KLHL29: variants seen among roughly 807,000 people sequenced by gnomAD.
The protein encoded by KLHL29 is kelch-like protein 29.
Under a neutral mutation model 80.4 loss-of-function variants are expected in KLHL29, and 21 were observed. The observed-to-expected ratio is 0.26, with a 90% CI of 0.19 to 0.38. The LOEUF (loss-of-function observed/expected upper bound fraction) is 0.38. Among genes scored for constraint, KLHL29 ranks in the 10% least tolerant of loss-of-function variants. The pLI is 1.00. For synonymous variants in KLHL29, 511 were observed against 526.8 expected, an observed-to-expected ratio of 0.97 and a Z score of 0.41; for missense variants, 867 against 1,223.9, an observed-to-expected ratio of 0.71 and a Z score of 4.35.
rs543358257 is a variant in KLHL29, at chr2:23,671,652, C to T, written c.941-12747C>T. On this transcript the variant is annotated intron_variant, in intron 5 of 13. Coordinates refer to ENST00000486442, the MANE Select transcript of KLHL29 (RefSeq NM_052920.2). ...GCTGCTCACTCGGCCTTTTCCCAGC[C>T]AGCCCCTCCCTACACCCCACAACAG... Among the ~76,000 whole-genome samples, 12 of 152,302 alleles carry T rather than the reference C, an allele frequency of 7.9e-5. No homozygotes were observed. In the East Asian group the frequency reaches 2.3e-3, roughly 29 times the overall value.
At chr2:23,455,006 G>GC (rs1006561476) in intron 1 of KLHL29, among the ~76,000 whole-genome samples, 4 of 138,062 alleles carry the variant, frequency 2.9e-5, no homozygotes, top group Middle Eastern at 3.5e-3. Flanking sequence ...TGGGTTGGGG[G>GC]GGGGGCATTT....
chr2:23,670,910 T>TTCTCTCTC (rs1670702653), intron 5 of KLHL29, among the ~76,000 whole-genome samples: 1 of 17,436 alleles, frequency 5.7e-5, no homozygotes, highest in East Asian at 2.8e-3. Flanking sequence ...TCTACACACA[T>TTCTCTCTC]GCACGCGCTC....
intron 5 of KLHL29, among the ~76,000 whole-genome samples, chr2:23,683,235 A>G (rs1006990656): frequency 6.6e-6 from 1 of 152,184 alleles, no homozygotes; most frequent in African/African-American, 2.4e-5. Flanking sequence ...GGGGCTGGAG[A>G]GCAGGGCTCA....
Position 23,562,303 on chromosome 2 carries a change from C to T in KLHL29, c.107C>T (p.Thr36Ile). 3.2e-6 allele frequency: 5 copies of T among 1,545,868 alleles called. No homozygotes were observed. The highest frequency in any genetic ancestry group is 4.4e-6 in the Non-Finnish European group (5 of 1,143,994). The change falls in exon 3 of 14, where the codon ACC (threonine) becomes ATC (isoleucine). Residue 36 changes from threonine to isoleucine, a missense_variant. By Grantham distance (89) the Thr-to-Ile change is moderately conservative. Transcript: ENST00000486442. This position sits in a 1 kb window ranked among gnomAD's most constrained non-coding sequence, Gnocchi z 4.5. ...THGTTSICSVTSGAGGGTASS... is the reference protein window; with the variant it reads ...THGTTSICSVISGAGGGTASS... ...GGGACCACCAGCATCTGCAGTGTCACCTCGGGGGCCGGTGGCGGCACAGCC... is the reference window on the plus strand; with the variant it reads ...GGGACCACCAGCATCTGCAGTGTCATCTCGGGGGCCGGTGGCGGCACAGCC...
chr2:23,488,675 T>C (rs1207893059), intron 2 of KLHL29, among the ~76,000 whole-genome samples: 1 of 152,128 alleles, frequency 6.6e-6, no homozygotes, highest in Non-Finnish European at 1.5e-5. Flanking sequence ...ACATCATGAA[T>C]CAAAAGGAGG....
intron 5 of KLHL29, among the ~76,000 whole-genome samples, chr2:23,662,538 C>T (rs1572476029): frequency 6.6e-6 from 1 of 152,108 alleles, no homozygotes; most frequent in African/African-American, 2.4e-5. Flanking sequence ...ACCAGCCCCT[C>T]CTGGGGTTCC....
At chr2:23,627,514 C>T (rs1572449137) in intron 3 of KLHL29, among the ~76,000 whole-genome samples, 1 of 152,256 alleles carries the variant, frequency 6.6e-6, no homozygotes, top group Non-Finnish European at 1.5e-5. Context: ...CTGAGACCCA[C>T]ACTCAGGCGC....
intron 1 of KLHL29, among the ~76,000 whole-genome samples, chr2:23,434,419 T>TC (rs5829897): frequency 1 from 151,836 of 151,842 alleles, 75,915 homozygotes; most frequent in East Asian, 1. Context: ...TGGTTCCCAT[T>TC]CCCTGGTGGG....
intron 5 of KLHL29, among the ~76,000 whole-genome samples, chr2:23,670,912 C>G (rs527542995): frequency 6.2e-5 from 2 of 32,108 alleles, no homozygotes; most frequent in South Asian, 6.4e-3. Flanking sequence ...TACACACATG[C>G]ACGCGCTCTC....
intron 1 of KLHL29, among the ~76,000 whole-genome samples, chr2:23,410,004 A>G (rs1329705799): frequency 5.9e-5 from 9 of 152,192 alleles, no homozygotes; most frequent in Non-Finnish European, 1.3e-4. Flanking sequence ...GGTGCCTTCA[A>G]GGAGATGCGA....
At chr2:23,481,171 T>G (rs1178608839) in intron 2 of KLHL29, among the ~76,000 whole-genome samples, 1 of 152,202 alleles carries the variant, frequency 6.6e-6, no homozygotes, top group Non-Finnish European at 1.5e-5. Flanking sequence ...GGCATCTGGA[T>G]TTTTGTAAAG....
chr2:23,474,615 G>T (rs903227859), intron 1 of KLHL29, among the ~76,000 whole-genome samples: 1 of 152,082 alleles, frequency 6.6e-6, no homozygotes, highest in African/African-American at 2.4e-5. Context: ...TGGATCACGT[G>T]CATCTCTATC....
intron 1 of KLHL29, among the ~76,000 whole-genome samples, chr2:23,407,878 T>C (rs1666770006): frequency 6.6e-6 from 1 of 152,162 alleles, no homozygotes; most frequent in Admixed American, 6.5e-5. Flanking sequence ...AAATGCTACC[T>C]CTCATACATT....
chr2:23,426,065 AG>A (rs1460615337), intron 1 of KLHL29, among the ~76,000 whole-genome samples: 1 of 152,016 alleles, frequency 6.6e-6, no homozygotes, highest in African/African-American at 2.4e-5. Context: ...ATGCCTGGGG[AG>A]TGCCTTTGAG....
intron 2 of KLHL29, among the ~76,000 whole-genome samples, chr2:23,533,261 T>C (rs926372853): frequency 2.6e-5 from 4 of 152,210 alleles, no homozygotes; most frequent in Admixed American, 2.6e-4. Flanking sequence ...CTGATGTGGC[T>C]GCTTGTGGGC....
chr2:23,599,218 C>T (rs966874728), intron 3 of KLHL29, among the ~76,000 whole-genome samples: 3 of 152,172 alleles, frequency 2.0e-5, no homozygotes, highest in African/African-American at 4.8e-5. Flanking sequence ...GTTCAAGGCC[C>T]GTGTTGCCCC....
intron 3 of KLHL29, among the ~76,000 whole-genome samples, chr2:23,589,848 A>G (rs778588166): frequency 2.6e-5 from 4 of 152,250 alleles, no homozygotes; most frequent in Non-Finnish European, 5.9e-5. Flanking sequence ...AGGGGGTGCT[A>G]GTTCTGTAAG....
At chr2:23,495,690 C>A (rs1288143833) in intron 2 of KLHL29, among the ~76,000 whole-genome samples, 1 of 152,206 alleles carries the variant, frequency 6.6e-6, no homozygotes, top group Non-Finnish European at 1.5e-5. Context: ...AGTGACGGCC[C>A]CTCCTGGCAT....
At chr2:23,688,402 G>A (rs1274455109) in intron 6 of KLHL29, among the ~76,000 whole-genome samples, 2 of 152,178 alleles carry the variant, frequency 1.3e-5, no homozygotes, top group African/African-American at 4.8e-5. Flanking sequence ...GTTCCAACTT[G>A]CAAAATGAAA....
Sources: allele counts gnomAD v4.1 joint callset (sites outside exome capture counted in the v4.1 genomes callset), GRCh38; gene constraint gnomAD v4.1.1; non-coding constraint Gnocchi (gnomAD v3.1); transcripts MANE v1.5; gene names NCBI Gene and HGNC (gene_info 2026-07-23, HGNC 2026-07-21).